DSG3: variants seen among roughly 807,000 people sequenced by gnomAD.
DSG3 encodes desmoglein 3, also known as desmoglein-3.
DSG3 carries 63 observed loss-of-function variants against 85.9 expected under a neutral mutation model. The observed-to-expected ratio is 0.73, with a 90% CI of 0.60 to 0.90. The LOEUF is 0.90. DSG3 is among the 40% of genes least tolerant of loss of function. The pLI is 0.00. For missense variants in DSG3, 1,220 were observed against 1,219.9 expected, an observed-to-expected ratio of 1.00 and a Z score of 0.00; for synonymous variants, 447 against 441.9, an observed-to-expected ratio of 1.01 and a Z score of -0.14.
At position 31,459,910 on chromosome 18, in the gene DSG3, G is replaced by A; in HGVS notation, c.583G>A (p.Ala195Thr). 1 of 1,614,048 alleles carries A rather than the reference G, an allele frequency of 6.2e-7. No homozygotes were observed. Among genetic ancestry groups the A allele is most frequent in the Non-Finnish European group, 8.5e-7 (1 of 1,179,994 alleles). Residue 195 changes from alanine to threonine, a missense_variant, in exon 6 of 16, where the codon GCC becomes ACC. Transcript: ENST00000257189. ...ACCAAACCACTTGAATTCTAAAATT[G>A]CCTTCAAAATTGTCTCTCAGGAACC... ...DEPNHLNSKI[A>T]FKIVSQEPAG...
intron 3 of DSG3, among the ~76,000 whole-genome samples, chr18:31,457,973 TA>T (rs1269655883): frequency 6.6e-6 from 1 of 152,094 alleles, no homozygotes; most frequent in Non-Finnish European, 1.5e-5. Context: ...TTTTTCATGT[TA>T]AAAAGCTTTA....
chr18:31,459,703 A>G, intron 5 of DSG3, 142 bp from the exon 6 acceptor site: 1 of 762,188 alleles, frequency 1.3e-6, no homozygotes, highest in South Asian at 2.0e-5. Context: ...AGGTATCACA[A>G]GTGATATACA....
At chr18:31,459,198 A>G in intron 5 of DSG3, 21 bp downstream of exon 5, 5 of 1,596,790 alleles carry the variant, frequency 3.1e-6, no homozygotes, top group Non-Finnish European at 4.3e-6. Context: ...TACAGTACTT[A>G]CCACTTTCAG....
At position 31,474,647 on chromosome 18, in the gene DSG3, C is replaced by T. The variant is rs373633435; in HGVS notation, c.2385+243C>T. Among the ~76,000 whole-genome samples, 339 of 152,166 alleles carry T rather than the reference C, an allele frequency of 2.2e-3. 3 individuals are homozygous for T. Among genetic ancestry groups the T allele is most frequent in the African/African-American group, 8.0e-3 (332 of 41,528 alleles). ...GTACATGCCTGCCATCCCAGCTACT[C>T]GGGAGGCTGAGGTGGGAGGATTGCT... On this transcript the variant is annotated intron_variant, in intron 15 of 15. Coordinates refer to ENST00000257189, the MANE Select transcript of DSG3 (RefSeq NM_001944.3).
At position 31,451,387 on chromosome 18, in the gene DSG3, AT is replaced by A. The variant is rs528774599; in HGVS notation, c.48+3469del. On this transcript the variant is annotated intron_variant, in intron 1 of 15. Coordinates refer to ENST00000257189, the MANE Select transcript of DSG3 (RefSeq NM_001944.3). ...GAAATCTAAAGATTTTTAGAGTACA[AT>A]TTTTTTAAAGAAGTTGGTGGTAGGA... Among the ~76,000 whole-genome samples, 43 of 152,266 alleles carry A rather than the reference AT, an allele frequency of 2.8e-4. No homozygotes were observed. The South Asian group carries it at 8.9e-3, about 32-fold the overall frequency.
intron 11 of DSG3, among the ~76,000 whole-genome samples, chr18:31,468,391 A>G (rs900811808): frequency 1.3e-5 from 2 of 152,226 alleles, no homozygotes; most frequent in Admixed American, 1.3e-4. Flanking sequence ...GACATACAAG[A>G]GAGTGGTTAA....
At chr18:31,450,153 T>C (rs543607797) in intron 1 of DSG3, among the ~76,000 whole-genome samples, 4 of 152,240 alleles carry the variant, frequency 2.6e-5, no homozygotes, top group Non-Finnish European at 5.9e-5. Flanking sequence ...CTATTAATGC[T>C]ATTGATAGAA....
chr18:31,472,421 A>C lies in DSG3; in HGVS notation c.2035A>C (p.Lys679Gln). The C allele has an allele frequency of 6.2e-7, 1 of 1,612,228 alleles. No individual in the cohort carries two copies. The highest frequency in any genetic ancestry group is 1.3e-5 in the African/African-American group (1 of 74,928). The change falls in exon 13 of 16, where the codon AAG (lysine) becomes CAG (glutamine). Residue 679 changes from lysine (K) to glutamine (Q), a missense_variant and splice_region_variant. Lys to Gln is a moderately conservative substitution (Grantham distance 53). Transcript: ENST00000257189. ...WGIEGAHPED[K>Q]EITNICVPPV... ...AATTGAAGGAGCCCATCCTGAAGACAAGGTAAGCATCCAGTTCATAAATTA... is the reference window on the plus strand; with the variant it reads ...AATTGAAGGAGCCCATCCTGAAGACCAGGTAAGCATCCAGTTCATAAATTA...
Position 31,458,532 on chromosome 18 carries a change from G to A in DSG3, c.304G>A (p.Val102Ile). ...IDQPPFGIFVVDKNTGDINIT... is the reference protein window; with the variant it reads ...IDQPPFGIFVIDKNTGDINIT... ...TCAGCCGCCTTTTGGAATCTTTGTTGTTGACAAAAACACTGGAGATATTAA... is the reference window on the plus strand; with the variant it reads ...TCAGCCGCCTTTTGGAATCTTTGTTATTGACAAAAACACTGGAGATATTAA... The change falls in exon 4 of 16, where the codon GTT becomes ATT. Residue 102 changes from valine to isoleucine, a missense_variant. Val to Ile is a conservative substitution (Grantham distance 29). Coordinates refer to ENST00000257189, the MANE Select transcript of DSG3 (RefSeq NM_001944.3). The A allele has an allele frequency of 6.2e-7, 1 of 1,614,028 alleles. No individual in the cohort carries two copies. The highest frequency in any genetic ancestry group is 8.5e-7 in the Non-Finnish European group (1 of 1,179,950).
chr18:31,464,466 T>C, intron 9 of DSG3, 84 bp downstream of exon 9: 1 of 1,393,148 alleles, frequency 7.2e-7, no homozygotes. Context: ...AACTATTATG[T>C]GCCAAGAATA....
intron 1 of DSG3, among the ~76,000 whole-genome samples, chr18:31,449,666 C>A (rs917225510): frequency 1.3e-5 from 2 of 152,094 alleles, no homozygotes; most frequent in Non-Finnish European, 1.5e-5. Flanking sequence ...AACTAAAAAA[C>A]CCCCGCACAA....
chr18:31,464,164 C>T lies in DSG3; in HGVS notation c.1053C>T (p.Asn351=). 1 of 1,614,022 alleles carries T rather than the reference C, an allele frequency of 6.2e-7. No individual in the cohort carries two copies. Among genetic ancestry groups the T allele is most frequent in the Non-Finnish European group, 8.5e-7 (1 of 1,179,972 alleles). The change falls in exon 9 of 16, where the codon AAC becomes AAT. Residue 351 remains asparagine (N), a synonymous_variant. Coordinates refer to ENST00000257189, the MANE Select transcript of DSG3 (RefSeq NM_001944.3). ...TGAAACTTAGTATTGCTGTCAAAAA[C>T]AAAGCTGAATTTCACCAATCAGTTA... The part of the protein sequence containing the change: ...QSVKLSIAVK[N]KAEFHQSVIS...
At chr18:31,474,036 T>C (rs2072871039) in intron 14 of DSG3, 85 bp from the exon 15 acceptor site, 1 of 1,350,116 alleles carries the variant, frequency 7.4e-7, no homozygotes, top group African/African-American at 1.5e-5. Context: ...GCATGGTGAC[T>C]GCTTATAGAC....
intron 6 of DSG3, 61 bp from the exon 7 acceptor site, chr18:31,460,772 T>G: frequency 7.1e-7 from 1 of 1,400,108 alleles, no homozygotes; most frequent in South Asian, 1.3e-5. Context: ...AGGAATCAAG[T>G]AGTTTCCATT....
rs1414683880 is a variant in DSG3 at position 31,465,583 on chromosome 18, G to A, written c.1411+126G>A. On this transcript the variant is annotated intron_variant, in intron 10 of 15. Coordinates refer to ENST00000257189, the MANE Select transcript of DSG3 (RefSeq NM_001944.3). ...GGAGAGAGAGAATTATCTTAGGAGT[G>A]TTGGGCCTCAAGTTTGAGGCAGCTG... The A allele has an allele frequency of 5.3e-6, 5 of 937,232 alleles. No homozygotes were observed. The East Asian group carries it at 1.6e-4, about 31-fold the overall frequency. 58.1% of individuals were successfully genotyped at this position (937,232 alleles called of 1,614,324 possible).
Position 31,477,846 on chromosome 18 carries a change from T to C in DSG3, c.*1586T>C, listed in dbSNP as rs1187467477. 1 of 152,268 alleles carries C rather than the reference T, an allele frequency of 6.6e-6. No homozygotes were observed. The highest frequency in any genetic ancestry group is 1.5e-5 in the Non-Finnish European group (1 of 68,040). 9.4% of individuals were successfully genotyped at this position (152,268 alleles called of 1,614,324 possible). A position where few individuals can be genotyped will look rare whatever the true frequency, so the allele number is the denominator to read the frequency against. On this transcript the variant is annotated 3_prime_UTR_variant, in exon 16 of 16. Transcript: ENST00000257189. Reference sequence around the variant, plus strand: ...GATCATTATCAGCCTCCATTATTCCTTACTGTATATAAAATACAGAGTTTT... The same window carrying C: ...GATCATTATCAGCCTCCATTATTCCCTACTGTATATAAAATACAGAGTTTT...
intron 1 of DSG3, among the ~76,000 whole-genome samples, chr18:31,453,829 T>C (rs1230718505): frequency 1.3e-5 from 2 of 152,220 alleles, no homozygotes; most frequent in Admixed American, 1.3e-4. Flanking sequence ...CAGAAAACTA[T>C]GTAAATATTT....
intron 5 of DSG3, 126 bp downstream of exon 5, chr18:31,459,303 T>A: frequency 1.1e-6 from 1 of 923,720 alleles, no homozygotes; most frequent in Non-Finnish European, 1.6e-6. Context: ...AAAAATAAAA[T>A]TCATTAAGAT....
chr18:31,460,960 A>G lies in DSG3; in HGVS notation c.812A>G (p.Gln271Arg), dbSNP rs1598779712. The change falls in exon 7 of 16, where the codon CAG becomes CGG. Residue 271 changes from glutamine to arginine, a missense_variant and splice_region_variant. Gln to Arg is a conservative substitution (Grantham distance 43). Transcript: ENST00000257189. Reference sequence around the variant, plus strand: ...AACTTCCCAATGTTTAGAGACTCTCAGGTACACCCATTGCTCCTTAAAGAA... The same window carrying G: ...AACTTCCCAATGTTTAGAGACTCTCGGGTACACCCATTGCTCCTTAAAGAA... ...NDNFPMFRDSQYSARIEENIL... is the reference protein window; with the variant it reads ...NDNFPMFRDSRYSARIEENIL... 1 of 1,586,434 alleles carries G rather than the reference A, an allele frequency of 6.3e-7. No individual in the cohort carries two copies. The highest frequency in any genetic ancestry group is 8.5e-7 in the Non-Finnish European group (1 of 1,172,768).
Sources: allele counts gnomAD v4.1 joint callset (sites outside exome capture counted in the v4.1 genomes callset), GRCh38; gene constraint gnomAD v4.1.1; transcripts MANE v1.5; gene names NCBI Gene and HGNC (gene_info 2026-07-23, HGNC 2026-07-21).